LRMDA: variants seen among roughly 807,000 people sequenced by gnomAD.
The protein encoded by LRMDA is leucine-rich melanocyte differentiation-associated protein.
In LRMDA, 18 loss-of-function variants were observed where a neutral mutation model predicts 29.8. That is an observed-to-expected ratio of 0.60 (90% CI 0.42 to 0.90). The LOEUF (loss-of-function observed/expected upper bound fraction) is 0.90. LRMDA is among the 40% of genes least tolerant of loss of function. LRMDA has a pLI of 0.00. For missense variants in LRMDA, 273 were observed against 273.9 expected, an observed-to-expected ratio of 1.00 and a Z score of 0.02; for synonymous variants, 125 against 109.4, an observed-to-expected ratio of 1.14 and a Z score of -0.89.
At chr10:76,203,439 G>C (rs1417998574) in intron 5 of LRMDA, among the ~76,000 whole-genome samples, 1 of 152,172 alleles carries the variant, frequency 6.6e-6, no homozygotes, top group East Asian at 1.9e-4. Flanking sequence ...ACTGTCCCTG[G>C]CCCAAAGTAT....
intron 2 of LRMDA, among the ~76,000 whole-genome samples, chr10:75,728,426 C>CTGTGTGTG (rs34902461): frequency 9.8e-4 from 136 of 138,290 alleles, no homozygotes; most frequent in African/African-American, 2.1e-3. Context: ...ATACGTGGCT[C>CTGTGTGTG]TGTGTGTGTG....
intron 5 of LRMDA, among the ~76,000 whole-genome samples, chr10:76,172,097 T>C (rs112632589): frequency 7.9e-5 from 12 of 152,226 alleles, no homozygotes; most frequent in Admixed American, 2.0e-4. Flanking sequence ...TCAAGGGGAC[T>C]AATCTCTTCC....
intron 2 of LRMDA, among the ~76,000 whole-genome samples, chr10:75,647,931 G>A (rs1043341648): frequency 1.3e-5 from 2 of 152,068 alleles, no homozygotes; most frequent in Non-Finnish European, 2.9e-5. Flanking sequence ...TCTGGAGCTC[G>A]CAGTTGTGGT....
chr10:76,527,498 T>A (rs1181875275), intron 6 of LRMDA, among the ~76,000 whole-genome samples: 2 of 152,186 alleles, frequency 1.3e-5, no homozygotes, highest in Admixed American at 6.6e-5. Context: ...GACAAGATTC[T>A]ATTTCACATT....
intron 2 of LRMDA, among the ~76,000 whole-genome samples, chr10:75,480,314 C>T (rs552384245): frequency 3.3e-4 from 37 of 110,802 alleles, no homozygotes; most frequent in African/African-American, 1.2e-3. Context: ...AGTAAGGTGG[C>T]CTTGGGAGCT....
chr10:75,890,287 T>C (rs1483578623), intron 2 of LRMDA, among the ~76,000 whole-genome samples: 1 of 152,244 alleles, frequency 6.6e-6, no homozygotes, highest in Non-Finnish European at 1.5e-5. Context: ...AAATGGAATA[T>C]CTTAGGCAGT....
intron 2 of LRMDA, among the ~76,000 whole-genome samples, chr10:75,822,836 C>G (rs1237602768): frequency 6.6e-6 from 1 of 152,092 alleles, no homozygotes; most frequent in Admixed American, 6.5e-5. Flanking sequence ...GTTCTCCAGC[C>G]TCAGACTCCC....
chr10:75,872,195 G>C (rs1845123429), intron 2 of LRMDA, among the ~76,000 whole-genome samples: 1 of 151,972 alleles, frequency 6.6e-6, no homozygotes, highest in African/African-American at 2.4e-5. Flanking sequence ...AGATCTTATG[G>C]GTACATGGTT....
At chr10:75,667,903 T>C (rs144382978) in intron 2 of LRMDA, among the ~76,000 whole-genome samples, 8 of 152,342 alleles carry the variant, frequency 5.3e-5, no homozygotes, top group Admixed American at 4.6e-4. Context: ...ATTAGAAGCT[T>C]TTGAATCAAC....
chr10:76,387,652 CAA>C (rs1295064364), intron 6 of LRMDA, among the ~76,000 whole-genome samples: 10 of 150,176 alleles, frequency 6.7e-5, no homozygotes, highest in Non-Finnish European at 1.3e-4. Flanking sequence ...ATTTAACCCA[CAA>C]AAATAAGTCT....
At chr10:76,555,474 G>C (rs1434927856) in intron 6 of LRMDA, among the ~76,000 whole-genome samples, 2 of 152,094 alleles carry the variant, frequency 1.3e-5, no homozygotes, top group Non-Finnish European at 2.9e-5. Flanking sequence ...ATGAGAGTGA[G>C]CCCAAGGCCA....
intron 5 of LRMDA, among the ~76,000 whole-genome samples, chr10:76,216,134 G>A (rs1033877551): frequency 1.3e-5 from 2 of 152,176 alleles, no homozygotes; most frequent in African/African-American, 4.8e-5. Flanking sequence ...CAGGAAGATT[G>A]CTTAAGGCCA....
intron 2 of LRMDA, among the ~76,000 whole-genome samples, chr10:76,034,107 C>G (rs1030623812): frequency 6.6e-5 from 10 of 152,216 alleles, no homozygotes; most frequent in African/African-American, 2.4e-4. Flanking sequence ...GGCCCAAATT[C>G]ACACAACAGG....
intron 2 of LRMDA, among the ~76,000 whole-genome samples, chr10:75,995,914 A>T (rs1847453496): frequency 6.6e-6 from 1 of 152,182 alleles, no homozygotes; most frequent in Non-Finnish European, 1.5e-5. Context: ...CCCTGAGGAT[A>T]TCTCAGGGTT....
At chr10:75,803,818 C>T (rs1375158410) in intron 2 of LRMDA, among the ~76,000 whole-genome samples, 1 of 151,944 alleles carries the variant, frequency 6.6e-6, no homozygotes, top group South Asian at 2.1e-4. Context: ...GCTCAGATAC[C>T]CACCCCTAAC....
At chr10:75,597,603 G>A (rs1840808123) in intron 2 of LRMDA, among the ~76,000 whole-genome samples, 2 of 152,136 alleles carry the variant, frequency 1.3e-5, no homozygotes, top group South Asian at 4.1e-4. Context: ...TTTCATATCA[G>A]TCTAAAATGA....
intron 5 of LRMDA, among the ~76,000 whole-genome samples, chr10:76,149,282 G>C (rs895549659): frequency 3.3e-5 from 5 of 152,204 alleles, no homozygotes; most frequent in African/African-American, 9.7e-5. Context: ...ATTAGGATGT[G>C]CTGTGAGGAC....
intron 5 of LRMDA, among the ~76,000 whole-genome samples, chr10:76,193,912 CTG>C (rs1315177082): frequency 6.6e-6 from 1 of 152,146 alleles, no homozygotes; most frequent in African/African-American, 2.4e-5. Context: ...GAGGTAGAAT[CTG>C]TGTATTCATT....
Position 75,841,361 on chromosome 10 carries a change from T to C in LRMDA, c.132-194647T>C, listed in dbSNP as rs142274136. ...ACCTGCAGTTAGGAATGCTATGTTT[T>C]GTCTGTGTGAATGATTGCCCTCAGG... On this transcript the variant is annotated intron_variant, in intron 2 of 6. Transcript: ENST00000611255. Among the ~76,000 whole-genome samples, 132 of 152,356 alleles carry C rather than the reference T, an allele frequency of 8.7e-4. 3 individuals are homozygous for C. The East Asian group carries it at 0.024, about 28-fold the overall frequency.
Sources: gnomAD v4.1 joint callset for allele counts (sites outside exome capture counted in the v4.1 genomes callset) on GRCh38, gnomAD v4.1.1 for gene constraint, MANE v1.5 for transcripts, NCBI Gene and HGNC (gene_info 2026-07-23, HGNC 2026-07-21) for gene names.